ATXN7L1: variants seen among roughly 807,000 people sequenced by gnomAD.
The protein encoded by ATXN7L1 is ataxin-7-like protein 1.
Under a neutral mutation model 70.8 loss-of-function variants are expected in ATXN7L1, and 15 were observed. The ratio of observed to expected loss-of-function variants is 0.21; its 90% CI spans 0.14 to 0.33. ATXN7L1 has a LOEUF of 0.33. Among genes scored for constraint, ATXN7L1 ranks in the 10% least tolerant of loss-of-function variants. ATXN7L1 has a pLI of 1.00. For missense variants in ATXN7L1, 975 were observed against 1,097.1 expected, an observed-to-expected ratio of 0.89 and a Z score of 1.57; for synonymous variants, 440 against 445.1, an observed-to-expected ratio of 0.99 and a Z score of 0.14.
intron 3 of ATXN7L1, among the ~76,000 whole-genome samples, chr7:105,697,699 C>T (rs1277377283): frequency 1.3e-5 from 2 of 152,196 alleles, no homozygotes; most frequent in Admixed American, 1.3e-4. Context: ...TGATAAGTGT[C>T]CATGAAATCT....
At chr7:105,830,215 G>C (rs1811412561) in intron 2 of ATXN7L1, among the ~76,000 whole-genome samples, 1 of 152,238 alleles carries the variant, frequency 6.6e-6, no homozygotes, top group Non-Finnish European at 1.5e-5. Flanking sequence ...GCTGGAAGAG[G>C]GGCTGGAGTC....
At chr7:105,673,178 C>T (rs1219332868) in intron 3 of ATXN7L1, among the ~76,000 whole-genome samples, 1 of 152,216 alleles carries the variant, frequency 6.6e-6, no homozygotes, top group Admixed American at 6.5e-5. Flanking sequence ...TCAGGCAATC[C>T]CATTTCAGTA....
chr7:105,868,361 C>A (rs2116672268), intron 2 of ATXN7L1, among the ~76,000 whole-genome samples: 1 of 152,306 alleles, frequency 6.6e-6, no homozygotes, highest in African/African-American at 2.4e-5. Flanking sequence ...TGGTGTCTAG[C>A]CCAGTTCTGG....
intron 3 of ATXN7L1, among the ~76,000 whole-genome samples, chr7:105,677,586 T>C (rs1421659808): frequency 6.6e-6 from 1 of 152,152 alleles, no homozygotes; most frequent in Non-Finnish European, 1.5e-5. Context: ...TAAATGGGTG[T>C]TGGGAGGATT....
At chr7:105,655,086 C>G (rs1261265397) in intron 4 of ATXN7L1, among the ~76,000 whole-genome samples, 1 of 152,120 alleles carries the variant, frequency 6.6e-6, no homozygotes, top group Non-Finnish European at 1.5e-5. Flanking sequence ...CTTGGTCTTA[C>G]TTTTCCTCCC....
At position 105,864,168 on chromosome 7, in the gene ATXN7L1, G is replaced by A. The variant is rs142767623; in HGVS notation, c.250+11644C>T. Among the ~76,000 whole-genome samples the A allele has an allele frequency of 6.9e-4, 105 of 152,192 alleles. 1 individual carries two copies. In the South Asian group the frequency reaches 0.019, roughly 28 times the overall value. ...CCTGAGGAGCCTGTTTAAAATGCAC[G>A]TTCCTGGTCAGGTGTGGTGGCTCAC... On this transcript the variant is annotated intron_variant, in intron 2 of 11. Coordinates refer to ENST00000419735, the MANE Select transcript of ATXN7L1 (RefSeq NM_020725.2).
intron 4 of ATXN7L1, among the ~76,000 whole-genome samples, chr7:105,658,090 G>A (rs1441473844): frequency 6.6e-6 from 1 of 152,084 alleles, no homozygotes; most frequent in East Asian, 1.9e-4. Flanking sequence ...ATAGTCATGT[G>A]TCACTTCATG....
At chr7:105,651,362 T>C (rs1341713761) in intron 4 of ATXN7L1, among the ~76,000 whole-genome samples, 2 of 152,220 alleles carry the variant, frequency 1.3e-5, no homozygotes, top group African/African-American at 4.8e-5. Flanking sequence ...CAATAAACTC[T>C]AACTAAACCA....
intron 3 of ATXN7L1, among the ~76,000 whole-genome samples, chr7:105,772,343 G>A (rs962764931): frequency 6.6e-6 from 1 of 151,978 alleles, no homozygotes; most frequent in Non-Finnish European, 1.5e-5. Context: ...CAAAGTGCTG[G>A]GATTATAGGC....
At chr7:105,774,544 G>A (rs1473653255) in intron 3 of ATXN7L1, among the ~76,000 whole-genome samples, 2 of 151,902 alleles carry the variant, frequency 1.3e-5, no homozygotes, top group Non-Finnish European at 2.9e-5. Flanking sequence ...GTAGAGACGG[G>A]GTTTTGCCAT....
chr7:105,621,504 T>C (rs1794928272), intron 8 of ATXN7L1, among the ~76,000 whole-genome samples: 1 of 152,204 alleles, frequency 6.6e-6, no homozygotes, highest in Non-Finnish European at 1.5e-5. Context: ...GGCTAACAAA[T>C]AGATGGGGGA....
At chr7:105,840,847 C>G (rs1380417132) in intron 2 of ATXN7L1, among the ~76,000 whole-genome samples, 1 of 152,226 alleles carries the variant, frequency 6.6e-6, no homozygotes, top group African/African-American at 2.4e-5. Flanking sequence ...CAGTATTCAT[C>G]TGGTTTACCT....
At chr7:105,686,088 G>T (rs1005021635) in intron 3 of ATXN7L1, among the ~76,000 whole-genome samples, 1 of 151,752 alleles carries the variant, frequency 6.6e-6, no homozygotes, top group African/African-American at 2.4e-5. Context: ...TCCATCTAAG[G>T]TTAGTTTCCC....
intron 4 of ATXN7L1, among the ~76,000 whole-genome samples, chr7:105,656,389 A>G (rs1029555690): frequency 3.3e-5 from 5 of 152,028 alleles, no homozygotes; most frequent in African/African-American, 1.2e-4. Flanking sequence ...GTGGCCAGGT[A>G]CCCCCTGACC....
At chr7:105,715,227 C>T (rs144854706) in intron 3 of ATXN7L1, among the ~76,000 whole-genome samples, 7 of 152,326 alleles carry the variant, frequency 4.6e-5, no homozygotes, top group African/African-American at 1.7e-4. Context: ...GCAGAAGGTA[C>T]AAGCTTGGAA....
chr7:105,857,398 C>A (rs1055766363), intron 2 of ATXN7L1, among the ~76,000 whole-genome samples: 1 of 152,226 alleles, frequency 6.6e-6, no homozygotes, highest in Non-Finnish European at 1.5e-5. Context: ...CCAGGTGCTG[C>A]AAGTGAGTTC....
At chr7:105,646,359 T>C (rs1799022051) in intron 4 of ATXN7L1, among the ~76,000 whole-genome samples, 1 of 152,132 alleles carries the variant, frequency 6.6e-6, no homozygotes, top group Non-Finnish European at 1.5e-5. Context: ...TGGTGGCTCA[T>C]GTCTGTAGTC....
At position 105,754,375 on chromosome 7, in the gene ATXN7L1, GTTCTT is replaced by G. The variant is rs550366741; in HGVS notation, c.355+34224_355+34228del. Among the ~76,000 whole-genome samples, 151 of 151,426 alleles carry G rather than the reference GTTCTT, an allele frequency of 1.0e-3. 2 individuals are homozygous for G. The South Asian group carries it at 0.011, about 11-fold the overall frequency. ...TGTTAGTCTGGTCCCTTGTTTATTTGTTCTTTTCTTTTCTTTTCTTTCTTTCTTTT... is the reference window on the plus strand; with the variant it reads ...TGTTAGTCTGGTCCCTTGTTTATTTGTTCTTTTCTTTTCTTTCTTTCTTTT... On this transcript the variant is annotated intron_variant, in intron 3 of 11. Transcript: ENST00000419735.
At chr7:105,694,238 G>T (rs977575013) in intron 3 of ATXN7L1, among the ~76,000 whole-genome samples, 7 of 152,074 alleles carry the variant, frequency 4.6e-5, no homozygotes, top group Non-Finnish European at 1.0e-4. Context: ...AGTAGAGATG[G>T]TTTCACCATG....
Sources: gnomAD v4.1 joint callset for allele counts (sites outside exome capture counted in the v4.1 genomes callset) on GRCh38, gnomAD v4.1.1 for gene constraint, MANE v1.5 for transcripts, NCBI Gene and HGNC (gene_info 2026-07-23, HGNC 2026-07-21) for gene names.